The following COL26A1 variants were observed in gnomAD, a reference collection of about 807,000 sequenced individuals.
COL26A1 encodes collagen alpha-1(XXVI) chain.
In COL26A1, 41 loss-of-function variants were observed where a neutral mutation model predicts 59.3. The ratio of observed to expected loss-of-function variants is 0.69; its 90% confidence interval spans 0.54 to 0.90. COL26A1 has a LOEUF of 0.90. Ranked by LOEUF, COL26A1 falls within the 40% of genes least tolerant of loss-of-function variation. The pLI is 0.00. For synonymous variants in COL26A1, 266 were observed against 256.0 expected, an observed-to-expected ratio of 1.04 and a Z score of -0.37; for missense variants, 612 against 602.3, an observed-to-expected ratio of 1.02 and a Z score of -0.17.
At chr7:101,511,011 C>G (rs934631046) in intron 3 of COL26A1, among the ~76,000 whole-genome samples, 8 of 151,304 alleles carry the variant, frequency 5.3e-5, no homozygotes, top group African/African-American at 2.0e-4. Flanking sequence ...CGCGATTCTC[C>G]TGCCTCAGCC....
At chr7:101,433,691 C>T (rs1001286618) in intron 2 of COL26A1, among the ~76,000 whole-genome samples, 4 of 151,890 alleles carry the variant, frequency 2.6e-5, no homozygotes, top group African/African-American at 4.8e-5. Context: ...GCTGCAGGGA[C>T]CAATGCTGGA....
At chr7:101,486,434 G>T (rs1794271149) in intron 3 of COL26A1, among the ~76,000 whole-genome samples, 2 of 152,220 alleles carry the variant, frequency 1.3e-5, no homozygotes, top group Non-Finnish European at 2.9e-5. Context: ...AGGACAGTGG[G>T]GGCTCCAGGT....
intron 3 of COL26A1, among the ~76,000 whole-genome samples, chr7:101,489,898 CTTTCTTTCTTTCTTTCTTTCTT>C (rs1794415379): frequency 1.1e-5 from 1 of 89,544 alleles, no homozygotes; most frequent in Non-Finnish European, 2.1e-5. Context: ...TTCTTTCTTT[CTTTCTTTCTTTCTTTCTTTCTT>C]GTCTCTCTCT....
intron 1 of COL26A1, among the ~76,000 whole-genome samples, chr7:101,380,640 C>G (rs1052014585): frequency 1.3e-5 from 2 of 152,100 alleles, no homozygotes; most frequent in Admixed American, 6.6e-5. Flanking sequence ...TCAGAACTGT[C>G]TCTTGGGGTC....
intron 3 of COL26A1, among the ~76,000 whole-genome samples, chr7:101,528,695 G>A (rs888572728): frequency 6.6e-6 from 1 of 151,816 alleles, no homozygotes; most frequent in Non-Finnish European, 1.5e-5. Context: ...CTACTGGCAC[G>A]CACCACCATG....
chr7:101,424,369 G>A (rs997908070), intron 2 of COL26A1, among the ~76,000 whole-genome samples: 6 of 151,964 alleles, frequency 3.9e-5, no homozygotes. Context: ...GGGCCAAGGA[G>A]GGTGGATCAC....
At chr7:101,555,954 GGGTCTCT>G in intron 12 of COL26A1, 83 bp downstream of exon 12, 1 of 1,225,576 alleles carries the variant, frequency 8.2e-7, no homozygotes, top group South Asian at 1.4e-5. Flanking sequence ...CTGCTGCCTA[GGGTCTCT>G]GGTCTCCCTC....
At chr7:101,384,696 G>A (rs9656067) in intron 1 of COL26A1, among the ~76,000 whole-genome samples, 11,298 of 152,134 alleles carry the variant, frequency 0.074, 996 homozygotes, top group African/African-American at 0.21. Flanking sequence ...CTCTAGAGGG[G>A]CAGAACTAAT....
rs369142687 is a variant in COL26A1, at chr7:101,395,712, C to T, written c.159-24265C>T. ...CCCTGGTGCCTGTCGGACTTGAGCA[C>T]AGCAGCCAGATGAGAGGGGAAAAAT... On this transcript the variant is annotated intron_variant, in intron 1 of 12. Transcript: ENST00000313669. Among the ~76,000 whole-genome samples, 139 of 152,300 alleles carry T rather than the reference C, an allele frequency of 9.1e-4. 4 individuals carry two copies. In the South Asian group the frequency reaches 0.027, roughly 30 times the overall value.
At chr7:101,487,091 A>G (rs1263865412) in intron 3 of COL26A1, among the ~76,000 whole-genome samples, 5 of 152,166 alleles carry the variant, frequency 3.3e-5, no homozygotes, top group African/African-American at 1.2e-4. Flanking sequence ...GGGAAGATGC[A>G]GGGCGGGGAG....
Position 101,536,738 on chromosome 7 carries a change from T to C in COL26A1, c.448-3155T>C, listed in dbSNP as rs1410062840. 2.6e-5 allele frequency among the ~76,000 whole-genome samples: 4 copies of C among 152,342 alleles called. No homozygotes were observed. The East Asian group carries it at 5.8e-4, about 22-fold the overall frequency. ...GTAGCTTATTCCATAAGGACATTTATTGTTTATTCCACAAGAAGTCCAGGA... is the reference window on the plus strand; with the variant it reads ...GTAGCTTATTCCATAAGGACATTTACTGTTTATTCCACAAGAAGTCCAGGA... On this transcript the variant is annotated intron_variant, in intron 4 of 12. Coordinates refer to ENST00000313669, the MANE Select transcript of COL26A1 (RefSeq NM_001278563.3).
chr7:101,389,698 C>T (rs986004034), intron 1 of COL26A1, among the ~76,000 whole-genome samples: 1 of 152,096 alleles, frequency 6.6e-6, no homozygotes, highest in Non-Finnish European at 1.5e-5. Flanking sequence ...TGATTACAGG[C>T]ATGCGCCACC....
chr7:101,550,559 G>T (rs757369869), intron 9 of COL26A1, among the ~76,000 whole-genome samples: 2 of 152,222 alleles, frequency 1.3e-5, no homozygotes, highest in Non-Finnish European at 2.9e-5. Flanking sequence ...GGCAGGGAAG[G>T]CTGTAGTTTC....
At chr7:101,430,435 C>T (rs991500628) in intron 2 of COL26A1, among the ~76,000 whole-genome samples, 6 of 151,636 alleles carry the variant, frequency 4.0e-5, no homozygotes, top group Non-Finnish European at 8.8e-5. Flanking sequence ...ATTACAGGCA[C>T]GCAGCACTGC....
At chr7:101,499,761 T>C (rs963010997) in intron 3 of COL26A1, among the ~76,000 whole-genome samples, 1 of 151,190 alleles carries the variant, frequency 6.6e-6, no homozygotes, top group African/African-American at 2.4e-5. Context: ...CCTGTGGTCC[T>C]AGCTAATCTG....
intron 2 of COL26A1, among the ~76,000 whole-genome samples, chr7:101,427,832 C>T (rs1231680622): frequency 6.6e-6 from 1 of 151,944 alleles, no homozygotes; most frequent in Admixed American, 6.6e-5. Flanking sequence ...CTGTAGGGGA[C>T]CCAATTCTGG....
intron 9 of COL26A1, among the ~76,000 whole-genome samples, chr7:101,549,575 T>G (rs1795817878): frequency 6.6e-6 from 1 of 152,118 alleles, no homozygotes; most frequent in Admixed American, 6.5e-5. Flanking sequence ...AGAGATGGGA[T>G]TTCACCATGT....
chr7:101,464,059 G>C (rs1180644481), intron 3 of COL26A1, among the ~76,000 whole-genome samples: 1 of 151,430 alleles, frequency 6.6e-6, no homozygotes, highest in African/African-American at 2.4e-5. Flanking sequence ...TCGACGTCCT[G>C]GGCTCAAGCA....
At chr7:101,520,141 G>A (rs896220017) in intron 3 of COL26A1, among the ~76,000 whole-genome samples, 29 of 152,150 alleles carry the variant, frequency 1.9e-4, no homozygotes, top group African/African-American at 6.5e-4. Flanking sequence ...TGCAGGAAGG[G>A]ACAAGCTCTC....
Sources: gnomAD v4.1 joint callset for allele counts (sites outside exome capture counted in the v4.1 genomes callset) on GRCh38, gnomAD v4.1.1 for gene constraint, MANE v1.5 for transcripts, NCBI Gene and HGNC (gene_info 2026-07-23, HGNC 2026-07-21) for gene names.